CCSER1: variants seen among roughly 807,000 people sequenced by gnomAD.
The protein encoded by CCSER1 is serine-rich coiled-coil domain-containing protein 1.
Under a neutral mutation model 82.0 loss-of-function variants are expected in CCSER1, and 41 were observed. That is an observed-to-expected ratio of 0.50 (90% CI 0.39 to 0.65). CCSER1 has a LOEUF of 0.65. Ranked by LOEUF, CCSER1 falls within the 30% of genes least tolerant of loss-of-function variation. CCSER1 has a pLI of 0.00. For synonymous variants in CCSER1, 414 were observed against 383.9 expected, an observed-to-expected ratio of 1.08 and a Z score of -0.92; for missense variants, 1,119 against 1,064.2, an observed-to-expected ratio of 1.05 and a Z score of -0.72.
intron 9 of CCSER1, among the ~76,000 whole-genome samples, chr4:90,925,727 A>G (rs1486649271): frequency 6.6e-6 from 1 of 152,190 alleles, no homozygotes; most frequent in Non-Finnish European, 1.5e-5. Context: ...GGTAATTGTT[A>G]ATCCTCATTA....
At chr4:90,970,941 A>G (rs559005455) in intron 9 of CCSER1, among the ~76,000 whole-genome samples, 1 of 152,070 alleles carries the variant, frequency 6.6e-6, no homozygotes, top group Non-Finnish European at 1.5e-5. Context: ...GAAATTTTAT[A>G]TCAATAAATG....
intron 1 of CCSER1, among the ~76,000 whole-genome samples, chr4:90,244,392 A>G (rs1266809039): frequency 1.3e-5 from 2 of 152,204 alleles, no homozygotes; most frequent in African/African-American, 2.4e-5. Flanking sequence ...ACATTTATCA[A>G]TTGTTTTAAT....
Position 90,791,644 on chromosome 4 carries a change from A to T in CCSER1, c.2011-24118A>T, listed in dbSNP as rs1755250290. On this transcript the variant is annotated intron_variant, in intron 7 of 10. Coordinates refer to ENST00000509176, the MANE Select transcript of CCSER1 (RefSeq NM_001145065.2). ...GGCGGGCGGATCACGAGGTCAGGAGATCAAGACCATCCTGGCTAACACAGT... is the reference window on the plus strand; with the variant it reads ...GGCGGGCGGATCACGAGGTCAGGAGTTCAAGACCATCCTGGCTAACACAGT... 3.9e-5 allele frequency among the ~76,000 whole-genome samples: 6 copies of T among 152,144 alleles called. No homozygotes were observed. In the South Asian group the frequency reaches 1.2e-3, roughly 32 times the overall value.
intron 6 of CCSER1, among the ~76,000 whole-genome samples, chr4:90,702,399 T>A (rs1028380753): frequency 2.6e-5 from 4 of 152,226 alleles, no homozygotes; most frequent in African/African-American, 9.6e-5. Context: ...GATTTTTTCA[T>A]CGATGTTCAT....
chr4:90,482,098 G>A (rs918854036), intron 5 of CCSER1, among the ~76,000 whole-genome samples: 21 of 152,240 alleles, frequency 1.4e-4, no homozygotes, highest in Admixed American at 2.6e-4. Context: ...GTTGAGATTT[G>A]GGAGAGTGTG....
At chr4:90,442,707 C>T (rs901441222) in intron 4 of CCSER1, among the ~76,000 whole-genome samples, 11 of 152,250 alleles carry the variant, frequency 7.2e-5, no homozygotes, top group African/African-American at 2.6e-4. Context: ...AATAGTTCTC[C>T]TGATAAGTAA....
At chr4:90,750,636 C>T (rs1010783776) in intron 7 of CCSER1, among the ~76,000 whole-genome samples, 3 of 152,016 alleles carry the variant, frequency 2.0e-5, no homozygotes, top group Non-Finnish European at 4.4e-5. Flanking sequence ...ATACTTTCTG[C>T]CGATATAGAG....
chr4:91,424,519 A>G (rs1265583877), intron 10 of CCSER1, among the ~76,000 whole-genome samples: 1 of 152,066 alleles, frequency 6.6e-6, no homozygotes. Context: ...GCTATTTCAC[A>G]TTTATCCACA....
intron 9 of CCSER1, among the ~76,000 whole-genome samples, chr4:91,078,051 T>C (rs1320271780): frequency 1.3e-5 from 2 of 152,212 alleles, no homozygotes; most frequent in East Asian, 3.9e-4. Flanking sequence ...CAGAAACTTC[T>C]GCAGACTTAA....
At chr4:91,092,109 G>A (rs758063741) in intron 10 of CCSER1, among the ~76,000 whole-genome samples, 3 of 152,106 alleles carry the variant, frequency 2.0e-5, no homozygotes, top group African/African-American at 7.2e-5. Flanking sequence ...TTTTAATCCT[G>A]TCTCTTGATA....
Position 91,405,817 on chromosome 4 carries a change from G to A in CCSER1, c.2218-192755G>A, listed in dbSNP as rs138252113. 3.7e-3 allele frequency among the ~76,000 whole-genome samples: 570 copies of A among 152,262 alleles called. 2 individuals are homozygous for A. The highest frequency in any genetic ancestry group is 0.013 in the African/African-American group (554 of 41,554). ...AGGAAAGGGAATTCTCCGACCCCTT[G>A]CACTTCCCAGGTGAGGCAATGCCCC... On this transcript the variant is annotated intron_variant, in intron 10 of 10. Coordinates refer to ENST00000509176, the MANE Select transcript of CCSER1 (RefSeq NM_001145065.2).
intron 10 of CCSER1, among the ~76,000 whole-genome samples, chr4:91,371,519 A>G (rs1263592037): frequency 6.6e-6 from 1 of 152,054 alleles, no homozygotes; most frequent in Non-Finnish European, 1.5e-5. Context: ...TTATTTTTTA[A>G]TTGCTGAATA....
At chr4:91,249,616 CCTT>C (rs989089529) in intron 10 of CCSER1, among the ~76,000 whole-genome samples, 12 of 152,224 alleles carry the variant, frequency 7.9e-5, no homozygotes, top group African/African-American at 2.9e-4. Flanking sequence ...TTAAGTTACT[CCTT>C]AAGTCTAGAA....
chr4:91,471,847 G>C (rs887791650), intron 10 of CCSER1, among the ~76,000 whole-genome samples: 3 of 151,442 alleles, frequency 2.0e-5, no homozygotes, highest in African/African-American at 7.3e-5. Flanking sequence ...GCGGGCGCCT[G>C]TAGTCCTAGC....
chr4:90,393,838 G>A (rs1751565666), intron 3 of CCSER1, among the ~76,000 whole-genome samples: 2 of 143,798 alleles, frequency 1.4e-5, no homozygotes, highest in Admixed American at 1.4e-4. Flanking sequence ...GTGCAGTGTG[G>A]CACAGTCATG....
intron 7 of CCSER1, among the ~76,000 whole-genome samples, chr4:90,793,860 C>A (rs546181527): frequency 7.9e-5 from 12 of 152,090 alleles, no homozygotes; most frequent in African/African-American, 2.9e-4. Flanking sequence ...ATAACACATA[C>A]CATTCTGTGA....
rs556172687 is a variant in CCSER1 at position 91,237,708 on chromosome 4, A to G, written c.2217+151714A>G. Among the ~76,000 whole-genome samples, 8 of 152,306 alleles carry G rather than the reference A, an allele frequency of 5.3e-5. No individual in the cohort carries two copies. The South Asian group carries it at 1.7e-3, about 32-fold the overall frequency. On this transcript the variant is annotated intron_variant, in intron 10 of 10. Transcript: ENST00000509176. ...GGCAAACTCTAGATTGGGGAGAGAG[A>G]GAGAGACAGAGACTGACAGAGGAGA...
At position 90,184,623 on chromosome 4, in the gene CCSER1, A is replaced by C. The variant is rs183373149; in HGVS notation, c.-42+56792A>C. On this transcript the variant is annotated intron_variant, in intron 1 of 10. Transcript: ENST00000509176. ...CATTTTAAACATACAACTCAAATTA[A>C]CTGCTAGAAAAGTGAAAACTTGGTG... Among the ~76,000 whole-genome samples, 459 of 152,252 alleles carry C rather than the reference A, an allele frequency of 3.0e-3. 6 individuals carry two copies. The highest frequency in any genetic ancestry group is 0.023 in the Admixed American group (348 of 15,260).
chr4:90,650,978 T>C (rs1248863733), intron 6 of CCSER1, among the ~76,000 whole-genome samples: 1 of 152,236 alleles, frequency 6.6e-6, no homozygotes, highest in Non-Finnish European at 1.5e-5. Context: ...CTCTGACGTT[T>C]GCATACTAAG....
Sources: allele counts gnomAD v4.1 joint callset (sites outside exome capture counted in the v4.1 genomes callset), GRCh38; gene constraint gnomAD v4.1.1; transcripts MANE v1.5; gene names NCBI Gene and HGNC (gene_info 2026-07-23, HGNC 2026-07-21).